The following SENP1 variants were observed in gnomAD, a reference collection of about 807,000 sequenced individuals.
SENP1 encodes the protein sentrin-specific protease 1.
SENP1 carries 21 observed loss-of-function variants against 93.0 expected under a neutral mutation model. The observed-to-expected ratio is 0.23, with a 90% CI of 0.16 to 0.33. The LOEUF is 0.33. Among genes scored for constraint, SENP1 ranks in the 10% least tolerant of loss-of-function variants. SENP1 has a pLI of 1.00. For synonymous variants in SENP1, 256 were observed against 259.6 expected, an observed-to-expected ratio of 0.99 and a Z score of 0.13; for missense variants, 591 against 758.7, an observed-to-expected ratio of 0.78 and a Z score of 2.60.
At chr12:48,087,049 AAAAACAAAACAAAAC>A (rs541113962) in intron 5 of SENP1, among the ~76,000 whole-genome samples, 8 of 152,070 alleles carry the variant, frequency 5.3e-5, no homozygotes, top group Non-Finnish European at 7.4e-5. Context: ...AACAAAACAA[AAAAACAAAACAAAAC>A]AAAACAAAAC....
Position 48,065,194 on chromosome 12 carries a change from T to C in SENP1, c.1146A>G (p.Val382=), listed in dbSNP as rs745571027. ...NQRLQEREHS[V]HDSVELHLRV... The stretch of plus-strand genomic sequence containing the variant: ...GAAGATGTAGTTCTACTGAATCATG[T>C]ACTGAATGTTCCCGCTCCTGCAATC... The change falls in exon 12 of 18, where the codon GTA becomes GTG. Residue 382 remains valine, a synonymous_variant. Transcript: ENST00000549518. 1.9e-6 allele frequency: 3 copies of C among 1,607,620 alleles called. No homozygotes were observed. Among genetic ancestry groups the C allele is most frequent in the East Asian group, 4.5e-5 (2 of 44,776 alleles).
chr12:48,103,540 T>C (rs1946100741), intron 1 of SENP1, among the ~76,000 whole-genome samples: 1 of 152,250 alleles, frequency 6.6e-6, no homozygotes, highest in Non-Finnish European at 1.5e-5. Context: ...AGTGTGCTTA[T>C]GGTACATTCT....
chr12:48,100,028 CAAAT>C (rs1046944978), intron 2 of SENP1, among the ~76,000 whole-genome samples: 25 of 151,960 alleles, frequency 1.6e-4, no homozygotes, highest in African/African-American at 4.8e-4. Context: ...AAAATGGAAA[CAAAT>C]GAACAGGGAA....
chr12:48,074,678 T>C lies in SENP1; in HGVS notation c.656+12A>G. 3 of 1,610,712 alleles carry C rather than the reference T, an allele frequency of 1.9e-6. No individual in the cohort carries two copies. Among genetic ancestry groups the C allele is most frequent in the Non-Finnish European group, 2.5e-6 (3 of 1,177,350 alleles). ...GAATTAAATTCATCTGAAATATGCTTCTGTGACTCACAGGTGTAAAGGAAA... is the reference window on the plus strand; with the variant it reads ...GAATTAAATTCATCTGAAATATGCTCCTGTGACTCACAGGTGTAAAGGAAA... On this transcript the variant is annotated intron_variant, in intron 7 of 17. Transcript: ENST00000549518.
chr12:48,046,737 C>A lies in SENP1; in HGVS notation c.1776+241G>T, dbSNP rs187226492. ...AGAGGCCAAATAATCAGCAAACATT[C>A]CCCTTAGGAGTGAAAAGCTTAGTAA... On this transcript the variant is annotated intron_variant, in intron 16 of 17. Transcript: ENST00000549518. Among the ~76,000 whole-genome samples, 592 of 152,214 alleles carry A rather than the reference C, an allele frequency of 3.9e-3. 2 individuals are homozygous for A. Among genetic ancestry groups the A allele is most frequent in the African/African-American group, 0.011 (466 of 41,520 alleles).
chr12:48,079,673 A>C (rs553735542), intron 6 of SENP1, among the ~76,000 whole-genome samples: 1 of 152,318 alleles, frequency 6.6e-6, no homozygotes, highest in Admixed American at 6.5e-5. Context: ...TTTAAAAGGG[A>C]CAGAGTCCTG....
At chr12:48,100,185 T>C (rs192391889) in intron 2 of SENP1, among the ~76,000 whole-genome samples, 9 of 152,358 alleles carry the variant, frequency 5.9e-5, no homozygotes, top group African/African-American at 1.9e-4. Flanking sequence ...CCTGACCTTA[T>C]ATTGATCCCC....
rs1944300992 is a variant in SENP1, at chr12:48,078,543, CAG to C, written c.553-3752_553-3751del. ...AATCTTATTTCTTTTTTTTTTGAGA[CAG>C]AGTCTTGCTCTGTCGCCCAGACTGG... On this transcript the variant is annotated intron_variant, in intron 6 of 17. Coordinates refer to ENST00000549518, the MANE Select transcript of SENP1 (RefSeq NM_001267594.2). 7.3e-5 allele frequency among the ~76,000 whole-genome samples: 11 copies of C among 149,854 alleles called. No individual in the cohort carries two copies. In the South Asian group the frequency reaches 2.3e-3, roughly 32 times the overall value.
rs35521150 is a variant in SENP1, at chr12:48,044,357, CATATATATAT to C, written c.*955_*964del. 2.9e-5 allele frequency: 4 copies of C among 138,580 alleles called. No homozygotes were observed. Among genetic ancestry groups the C allele is most frequent in the African/African-American group, 1.1e-4 (4 of 37,552 alleles). The allele number at this position is 138,580 out of a possible 1,614,324, so 8.6% of individuals were successfully genotyped here. A position where few individuals can be genotyped will look rare whatever the true frequency, so the allele number is the denominator to read the frequency against. On this transcript the variant is annotated 3_prime_UTR_variant, in exon 18 of 18. Coordinates refer to ENST00000549518, the MANE Select transcript of SENP1 (RefSeq NM_001267594.2). ...ATATCCCTGTGAAATTTTATACATA[CATATATATAT>C]ATATATATGTATGTGTATATATATA...
chr12:48,065,265 G>A (rs753229707), intron 11 of SENP1, 45 bp from the exon 12 acceptor site: 24 of 1,414,992 alleles, frequency 1.7e-5, no homozygotes, highest in Non-Finnish European at 2.3e-5. Flanking sequence ...GAAATCTGTG[G>A]ATGTTCCTTG....
At chr12:48,080,226 G>A (rs1944409436) in intron 6 of SENP1, 1 of 151,988 alleles carries the variant, frequency 6.6e-6, no homozygotes, top group African/African-American at 2.4e-5. Flanking sequence ...GCCACATGTG[G>A]CTAATGAATA....
intron 1 of SENP1, chr12:48,105,331 AAGAG>A: frequency 1.9e-6 from 1 of 515,392 alleles, no homozygotes; most frequent in Non-Finnish European, 3.9e-6. Context: ...AGCTCAAGGA[AAGAG>A]AAACGAGGCA....
chr12:48,075,352 T>C (rs757331914), intron 6 of SENP1, among the ~76,000 whole-genome samples: 9 of 152,124 alleles, frequency 5.9e-5, no homozygotes, highest in East Asian at 1.9e-4. Context: ...AGAGGAACTA[T>C]AGGCTATAAA....
At chr12:48,072,900 C>T (rs920664363) in intron 8 of SENP1, among the ~76,000 whole-genome samples, 2 of 151,742 alleles carry the variant, frequency 1.3e-5, no homozygotes, top group Admixed American at 6.6e-5. Context: ...AACATATCCT[C>T]CCCCCACAGA....
intron 13 of SENP1, chr12:48,055,219 A>G (rs934268201): frequency 8.8e-5 from 16 of 182,404 alleles, no homozygotes; most frequent in Middle Eastern, 5.0e-3. Flanking sequence ...CTTGTGTATC[A>G]TATCACGACA....
chr12:48,085,216 T>A, intron 5 of SENP1: 8 of 1,527,724 alleles, frequency 5.2e-6, no homozygotes, highest in South Asian at 3.4e-5. Context: ...GAAGACACTT[T>A]CCGGCAATTT....
At position 48,044,940 on chromosome 12, in the gene SENP1, CTT is replaced by C. The variant is rs1941257492; in HGVS notation, c.*380_*381del. The C allele has an allele frequency of 4.8e-6, 1 of 209,312 alleles. No homozygotes were observed. The highest frequency in any genetic ancestry group is 1.3e-4 in the South Asian group (1 of 7,812). 13.0% of individuals were successfully genotyped at this position (209,312 alleles called of 1,614,324 possible). On this transcript the variant is annotated 3_prime_UTR_variant, in exon 18 of 18. Coordinates refer to ENST00000549518, the MANE Select transcript of SENP1 (RefSeq NM_001267594.2). ...CTTTTGCCCATGCCCTTTCCTACTT[CTT>C]AGTAAGGCCTAACAACAAGAATTTA... is the stretch of plus-strand genomic sequence containing the variant.
intron 13 of SENP1, among the ~76,000 whole-genome samples, chr12:48,058,195 C>G (rs1438716417): frequency 6.6e-6 from 1 of 152,074 alleles, no homozygotes; most frequent in Non-Finnish European, 1.5e-5. Context: ...ATCCACCCGC[C>G]TCGGCCTCCC....
chr12:48,092,448 T>A (rs1945281991), intron 4 of SENP1, among the ~76,000 whole-genome samples: 2 of 152,030 alleles, frequency 1.3e-5, no homozygotes, highest in Admixed American at 6.6e-5. Context: ...AAGAAAAAAA[T>A]ATATATAGAC....
Sources: gnomAD v4.1 joint callset for allele counts (sites outside exome capture counted in the v4.1 genomes callset) on GRCh38, gnomAD v4.1.1 for gene constraint, MANE v1.5 for transcripts, NCBI Gene and HGNC (gene_info 2026-07-23, HGNC 2026-07-21) for gene names.